Variants in HCN1 observed in about 807,000 individuals in gnomAD.
HCN1 encodes the protein potassium/sodium hyperpolarization-activated cyclic nucleotide-gated channel 1.
A neutral mutation model predicts 78.9 loss-of-function variants in HCN1; 13 were observed. The observed-to-expected ratio is 0.16, with a 90% confidence interval of 0.11 to 0.26. HCN1 has a LOEUF of 0.26. HCN1 is among the 10% of genes least tolerant of loss of function. The probability of loss-of-function intolerance (pLI) is 1.00; values close to 1 mark genes in which losing one functional copy is unlikely to be tolerated. For synonymous variants in HCN1, 552 were observed against 455.5 expected, an observed-to-expected ratio of 1.21 and a Z score of -2.70; for missense variants, 810 against 1,154.3, an observed-to-expected ratio of 0.70 and a Z score of 4.32.
chr5:45,628,284 C>G (rs1418009231), intron 2 of HCN1, among the ~76,000 whole-genome samples: 4 of 152,164 alleles, frequency 2.6e-5, no homozygotes, highest in Non-Finnish European at 5.9e-5. Flanking sequence ...CTCACATGTT[C>G]CCACACCATC....
intron 2 of HCN1, among the ~76,000 whole-genome samples, chr5:45,595,091 G>T (rs1482303857): frequency 6.6e-6 from 1 of 152,100 alleles, no homozygotes; most frequent in Non-Finnish European, 1.5e-5. Context: ...AAAAAGGCAG[G>T]ATATTTTTTT....
At position 45,696,005 on chromosome 5, in the gene HCN1, G is replaced by A. The variant is rs1740005397; in HGVS notation, c.89C>T (p.Ala30Val). 2 of 1,299,406 alleles carry A rather than the reference G, an allele frequency of 1.5e-6. No homozygotes were observed. Among genetic ancestry groups the A allele is most frequent in the Non-Finnish European group, 2.0e-6 (2 of 1,018,428 alleles). 80.5% of individuals were successfully genotyped at this position (1,299,406 alleles called of 1,614,324 possible). A position where few individuals can be genotyped will look rare whatever the true frequency, so the allele number is the denominator to read the frequency against. The change falls in exon 1 of 8, where the codon GCG becomes GTG. Residue 30 changes from alanine (A) to valine (V), a missense_variant. Transcript: ENST00000303230. ...GCGCTTCTCGGCCGCGGCCGGCCCC[G>A]CGCCCGTCGCGGACGCCTTGGCGGG... Reference protein sequence around the residue: ...VFPAKASATGAGPAAAEKRLG... With the variant: ...VFPAKASATGVGPAAAEKRLG...
chr5:45,394,070 C>T (rs1739637803), intron 4 of HCN1, among the ~76,000 whole-genome samples: 1 of 152,182 alleles, frequency 6.6e-6, no homozygotes, highest in African/African-American at 2.4e-5. Context: ...TACTTTCTAA[C>T]ACCTGACATA....
Position 45,313,648 on chromosome 5 carries a change from C to T in HCN1, c.1378-9809G>A, listed in dbSNP as rs755886015. On this transcript the variant is annotated intron_variant, in intron 5 of 7. Transcript: ENST00000303230. ...ATATTAGACGAATGGCTAACTAGAA[C>T]AACCAGTGTAGAGAAGTCCTTAAAT... Among the ~76,000 whole-genome samples, 4 of 152,134 alleles carry T rather than the reference C, an allele frequency of 2.6e-5. No individual in the cohort carries two copies. In the East Asian group the frequency reaches 5.8e-4, roughly 22 times the overall value.
Position 45,267,263 on chromosome 5 carries a change from C to T in HCN1, c.1619-10G>A. ...GTCAGCAGGCAAATCTCTATAAAAA[C>T]AAACAACAAAGAAGAATGACTTGTT... On this transcript the variant is annotated splice_polypyrimidine_tract_variant and intron_variant, in intron 6 of 7. Coordinates refer to ENST00000303230, the MANE Select transcript of HCN1 (RefSeq NM_021072.4). 1 of 1,613,324 alleles carries T rather than the reference C, an allele frequency of 6.2e-7. No homozygotes were observed.
At chr5:45,517,141 T>G (rs921967199) in intron 2 of HCN1, among the ~76,000 whole-genome samples, 1 of 151,994 alleles carries the variant, frequency 6.6e-6, no homozygotes, top group Non-Finnish European at 1.5e-5. Flanking sequence ...TAAGTATAAG[T>G]TGTGTGACTT....
At position 45,304,403 on chromosome 5, in the gene HCN1, T is replaced by C. The variant is rs190521924; in HGVS notation, c.1378-564A>G. Among the ~76,000 whole-genome samples, 101 of 152,078 alleles carry C rather than the reference T, an allele frequency of 6.6e-4. 1 individual carries two copies. The East Asian group carries it at 0.012, about 18-fold the overall frequency. On this transcript the variant is annotated intron_variant, in intron 5 of 7. Transcript: ENST00000303230. ...AATCTAAAAGTATAAATTCATCAGG[T>C]GCAGTGGCTCATGGCTGTAATTCCA...
At chr5:45,616,843 C>T (rs1307559192) in intron 2 of HCN1, among the ~76,000 whole-genome samples, 1 of 151,776 alleles carries the variant, frequency 6.6e-6, no homozygotes, top group Non-Finnish European at 1.5e-5. Flanking sequence ...ACTATATTAC[C>T]ATAAACATAC....
rs940608238 is a variant in HCN1, at chr5:45,340,848, G to C, written c.1377+12252C>G. On this transcript the variant is annotated intron_variant, in intron 5 of 7. Coordinates refer to ENST00000303230, the MANE Select transcript of HCN1 (RefSeq NM_021072.4). ...GTTTTAAAATAGCCTCTCTCAGAGC[G>C]ATATGAATTATAAAATTGAAGCAGG... Among the ~76,000 whole-genome samples, 5 of 152,108 alleles carry C rather than the reference G, an allele frequency of 3.3e-5. No individual in the cohort carries two copies. The East Asian group carries it at 9.6e-4, about 29-fold the overall frequency.
At chr5:45,338,702 T>C (rs983295145) in intron 5 of HCN1, among the ~76,000 whole-genome samples, 1 of 152,140 alleles carries the variant, frequency 6.6e-6, no homozygotes, top group African/African-American at 2.4e-5. Context: ...GGTGAATTGA[T>C]ATATTTTACT....
intron 2 of HCN1, among the ~76,000 whole-genome samples, chr5:45,498,729 C>A (rs943599041): frequency 3.9e-5 from 6 of 152,060 alleles, no homozygotes; most frequent in Non-Finnish European, 7.4e-5. Context: ...TACTTTTGGT[C>A]TTTGATGATG....
At chr5:45,506,891 G>A (rs1742312910) in intron 2 of HCN1, among the ~76,000 whole-genome samples, 1 of 152,048 alleles carries the variant, frequency 6.6e-6, no homozygotes, top group African/African-American at 2.4e-5. Flanking sequence ...TAACAAAAAT[G>A]TTATGCATTT....
At chr5:45,354,718 A>C (rs1746975865) in intron 4 of HCN1, among the ~76,000 whole-genome samples, 1 of 152,022 alleles carries the variant, frequency 6.6e-6, no homozygotes, top group African/African-American at 2.4e-5. Flanking sequence ...TTTGATAACC[A>C]GACTGTCCAT....
At chr5:45,591,012 T>A (rs1210265270) in intron 2 of HCN1, among the ~76,000 whole-genome samples, 4 of 151,720 alleles carry the variant, frequency 2.6e-5, no homozygotes, top group Non-Finnish European at 5.9e-5. Flanking sequence ...TTTTTTTTTT[T>A]AATTAGTAGA....
At position 45,501,947 on chromosome 5, in the gene HCN1, T is replaced by G. The variant is rs77877705; in HGVS notation, c.850-39940A>C. On this transcript the variant is annotated intron_variant, in intron 2 of 7. Coordinates refer to ENST00000303230, the MANE Select transcript of HCN1 (RefSeq NM_021072.4). ...CAGGTGGGGTGCATGTAATTTAGTTTAGATACATTAGGAACTTAAAATAGC... is the reference window on the plus strand; with the variant it reads ...CAGGTGGGGTGCATGTAATTTAGTTGAGATACATTAGGAACTTAAAATAGC... Among the ~76,000 whole-genome samples, 59 of 152,264 alleles carry G rather than the reference T, an allele frequency of 3.9e-4. No individual in the cohort carries two copies. The East Asian group carries it at 0.011, about 28-fold the overall frequency.
intron 5 of HCN1, among the ~76,000 whole-genome samples, chr5:45,331,651 T>A (rs1350108181): frequency 1.3e-5 from 2 of 151,462 alleles, no homozygotes; most frequent in Non-Finnish European, 3.0e-5. Flanking sequence ...AAAGGTTATA[T>A]TGTTTATATG....
At chr5:45,682,290 C>CATATATATATACATATATATATATATAT (rs1340648040) in intron 1 of HCN1, among the ~76,000 whole-genome samples, 40 of 52,752 alleles carry the variant, frequency 7.6e-4, no homozygotes, top group African/African-American at 2.5e-3. Context: ...TATATATATA[C>CATATATATATACATATATATATATATAT]ACATATATAT....
chr5:45,535,459 G>T (rs1172368628), intron 2 of HCN1, among the ~76,000 whole-genome samples: 1 of 152,052 alleles, frequency 6.6e-6, no homozygotes, highest in African/African-American at 2.4e-5. Flanking sequence ...TTAGCTGGGT[G>T]TGGTGGTGGG....
rs1328187516 is a variant in HCN1 at position 45,259,086 on chromosome 5, A to AAAG, written c.*2832_*2834dup. The AAAG allele has an allele frequency of 1.3e-5, 2 of 151,988 alleles. No individual in the cohort carries two copies. The highest frequency in any genetic ancestry group is 2.4e-5 in the African/African-American group (1 of 41,436). 9.4% of individuals were successfully genotyped at this position (151,988 alleles called of 1,614,324 possible). On this transcript the variant is annotated 3_prime_UTR_variant, in exon 8 of 8. Transcript: ENST00000303230. Reference sequence around the variant, plus strand: ...TGGTTGAAAAATCCATGTTCTATTTAAAGTCCTCTCATTCCAGAATTATAG... The same window carrying AAAG: ...TGGTTGAAAAATCCATGTTCTATTTAAAGAAGTCCTCTCATTCCAGAATTATAG...
Sources: gnomAD v4.1 joint callset for allele counts (sites outside exome capture counted in the v4.1 genomes callset) on GRCh38, gnomAD v4.1.1 for gene constraint, MANE v1.5 for transcripts, NCBI Gene and HGNC (gene_info 2026-07-23, HGNC 2026-07-21) for gene names.